SPRED3: variants seen among roughly 807,000 people sequenced by gnomAD.
The protein encoded by SPRED3 is sprouty-related, EVH1 domain-containing protein 3.
In SPRED3, 23 loss-of-function variants were observed where a neutral mutation model predicts 37.6. The ratio of observed to expected loss-of-function variants is 0.61; its 90% confidence interval spans 0.44 to 0.87. SPRED3 has a LOEUF of 0.87. Ranked by LOEUF, SPRED3 falls within the 40% of genes least tolerant of loss-of-function variation. The pLI, the probability that SPRED3 is intolerant of heterozygous loss-of-function variation, is 0.00. For synonymous variants in SPRED3, 302 were observed against 279.6 expected (o/e 1.08, Z -0.80); for missense variants, 584 against 618.6 (o/e 0.94, Z 0.59).
chr19:38,393,320 T>C (rs1014292038), intron 4 of SPRED3, among the ~76,000 whole-genome samples: 1 of 152,048 alleles, frequency 6.6e-6, no homozygotes, highest in Admixed American at 6.6e-5. Context: ...ATTTTCCTTA[T>C]TTCCTTTCTG....
At chr19:38,394,865 G>A in intron 5 of SPRED3, 79 bp downstream of exon 5, 3 of 1,431,680 alleles carry the variant, frequency 2.1e-6, no homozygotes, top group South Asian at 1.4e-5. Flanking sequence ...GCCATGGCCC[G>A]GGGAGGTGGG....
intron 4 of SPRED3, 113 bp from the exon 5 acceptor site, chr19:38,394,530 G>A: frequency 1.3e-6 from 2 of 1,562,130 alleles, no homozygotes; most frequent in South Asian, 2.3e-5. Flanking sequence ...GCCGGGGTTT[G>A]AACCCAGGCC....
rs2145166828 is a variant in SPRED3, at chr19:38,398,796, C to A, written c.*2651C>A. ...GTGCACTTAACCTTTCTTCATTACC[C>A]AGACTTGGATGGCCTTGTTGGGGTT... is the stretch of plus-strand genomic sequence containing the variant. On this transcript the variant is annotated 3_prime_UTR_variant, in exon 6 of 6. Coordinates refer to ENST00000691638, the MANE Select transcript of SPRED3 (RefSeq NM_001394336.1). The A allele has an allele frequency of 6.6e-6, 1 of 152,398 alleles. No individual in the cohort carries two copies. The highest frequency in any genetic ancestry group is 1.5e-5 in the Non-Finnish European group (1 of 68,056). The allele number at this position is 152,398 out of a possible 1,614,324, so 9.4% of individuals were successfully genotyped here.
intron 1 of SPRED3, chr19:38,389,752 C>T (rs1228597904): frequency 8.5e-6 from 1 of 117,030 alleles, no homozygotes; most frequent in Admixed American, 1.2e-4. Flanking sequence ...GCTTTGCATC[C>T]GGTCTCATTC....
In SPRED3 at chr19:38,395,219, G is replaced by C. The variant is rs1970880211; in HGVS notation, c.568-261G>C. The stretch of plus-strand genomic sequence containing the variant: ...CAGAACCCCTGGATCTCAAGGTAGA[G>C]GGGGCTGGGAGCTGGGGCTCTTGGA... On this transcript the variant is annotated intron_variant, in intron 5 of 5. Coordinates refer to ENST00000691638, the MANE Select transcript of SPRED3 (RefSeq NM_001394336.1). This position sits in a 1 kb window ranked among gnomAD's most constrained non-coding sequence, Gnocchi z 5.2. Among the ~76,000 whole-genome samples, 2 of 152,070 alleles carry C rather than the reference G, an allele frequency of 1.3e-5. No homozygotes were observed. Among genetic ancestry groups the C allele is most frequent in the African/African-American group, 2.4e-5 (1 of 41,422 alleles).
chr19:38,397,984 G>C lies in SPRED3; in HGVS notation c.*1839G>C, dbSNP rs1970918213. 1 of 152,082 alleles carries C rather than the reference G, an allele frequency of 6.6e-6. No homozygotes were observed. The highest frequency in any genetic ancestry group is 6.5e-5 in the Admixed American group (1 of 15,280). 9.4% of individuals were successfully genotyped at this position (152,082 alleles called of 1,614,324 possible). On this transcript the variant is annotated 3_prime_UTR_variant, in exon 6 of 6. Transcript: ENST00000691638. ...AGCATTGTCACAGATGATTATGCAG[G>C]GTCTTCATTAAGTGAAGGCACACAG...
Position 38,391,963 on chromosome 19 carries a change from A to C in SPRED3, c.195A>C (p.Thr65=). 1 of 1,614,128 alleles carries C rather than the reference A, an allele frequency of 6.2e-7. No homozygotes were observed. Among genetic ancestry groups the C allele is most frequent in the Non-Finnish European group, 8.5e-7 (1 of 1,180,018 alleles). The change falls in exon 3 of 6, where the codon ACA becomes ACC. Residue 65 remains threonine, a synonymous_variant. Coordinates refer to ENST00000691638, the MANE Select transcript of SPRED3 (RefSeq NM_001394336.1). ...LRDQKTTLEC[T]LKPGLVYNKV... ...CCCCTCAGACAACCTTGGAGTGTAC[A>C]CTGAAGCCAGGCTTGGTTTACAACA...
intron 2 of SPRED3, 42 bp downstream of exon 2, chr19:38,390,521 G>T (rs1970816703): frequency 1.6e-6 from 2 of 1,261,012 alleles, no homozygotes; most frequent in Non-Finnish European, 2.0e-6. Context: ...GGGACCTGGG[G>T]AGGGAGGGGA....
intron 4 of SPRED3, 107 bp downstream of exon 4, chr19:38,392,395 G>A: frequency 7.8e-7 from 1 of 1,280,528 alleles, no homozygotes; most frequent in Non-Finnish European, 1.0e-6. Context: ...CCACACACCG[G>A]GTACACAAAA....
chr19:38,392,237 C>A lies in SPRED3; in HGVS notation c.372C>A (p.Ser124=), dbSNP rs1438057025. The change falls in exon 4 of 6, where the codon TCC becomes TCA. Residue 124 remains serine (S), a synonymous_variant. Transcript: ENST00000691638. ...GCTCACTCACCCCCTCCTCCTCCTC[C>A]TCCTCCTCCTCTCCTTCCCAGGATA... ...GRGSLTPSSS[S]SSSSPSQDTA... 1 of 1,597,416 alleles carries A rather than the reference C, an allele frequency of 6.3e-7. No homozygotes were observed. The highest frequency in any genetic ancestry group is 2.2e-5 in the East Asian group (1 of 44,506).
rs536725381 is a variant in SPRED3 at position 38,391,453 on chromosome 19, G to A, written c.178-493G>A. 5.8e-4 allele frequency among the ~76,000 whole-genome samples: 88 copies of A among 152,248 alleles called. 3 individuals are homozygous for A. In the South Asian group the frequency reaches 0.018, roughly 31 times the overall value. On this transcript the variant is annotated intron_variant, in intron 2 of 5. Coordinates refer to ENST00000691638, the MANE Select transcript of SPRED3 (RefSeq NM_001394336.1). ...TCTGGGAAGTATTGTTGAGCCAGAG[G>A]GGGGATGTTGGGTTATCAGAAAGGG...
intron 1 of SPRED3, chr19:38,390,071 GAGA>G (rs1168072058): frequency 5.0e-6 from 2 of 396,440 alleles, no homozygotes; most frequent in East Asian, 7.3e-5. Context: ...GGCAGACATG[GAGA>G]AGAAGATAGA....
intron 2 of SPRED3, 61 bp downstream of exon 2, chr19:38,390,540 G>A: frequency 7.9e-7 from 1 of 1,257,932 alleles, no homozygotes; most frequent in Non-Finnish European, 1.0e-6. Flanking sequence ...GAGAGGGGCT[G>A]GCATGTGGAG....
chr19:38,392,619 T>C (rs774398868), intron 4 of SPRED3: 45 of 199,210 alleles, frequency 2.3e-4, no homozygotes, highest in Non-Finnish European at 4.2e-4. Context: ...AAAATATATA[T>C]ATAAACAATA....
rs1568398286 is a variant in SPRED3 at position 38,398,555 on chromosome 19, GA to G, written c.*2412del. The G allele has an allele frequency of 6.6e-6, 1 of 152,356 alleles. No individual in the cohort carries two copies. Among genetic ancestry groups the G allele is most frequent in the East Asian group, 1.9e-4 (1 of 5,170 alleles). The allele number at this position is 152,356 out of a possible 1,614,324, so 9.4% of individuals were successfully genotyped here. On this transcript the variant is annotated 3_prime_UTR_variant, in exon 6 of 6. Transcript: ENST00000691638. Reference sequence around the variant, plus strand: ...CTGGCTCTCTTCCACTTTAGAGTGAGAAGTTGCTTCAGGAAGTTTGAAAGCC... The same window carrying G: ...CTGGCTCTCTTCCACTTTAGAGTGAGAGTTGCTTCAGGAAGTTTGAAAGCC...
intron 5 of SPRED3, 117 bp downstream of exon 5, chr19:38,394,903 C>G: frequency 7.5e-7 from 1 of 1,335,042 alleles, no homozygotes; most frequent in South Asian, 1.5e-5. Context: ...GATGGCTGAC[C>G]TGATAACTGG....
At chr19:38,394,573 A>AG in intron 4 of SPRED3, 70 bp from the exon 5 acceptor site, 4 of 1,550,936 alleles carry the variant, frequency 2.6e-6, no homozygotes, top group Non-Finnish European at 2.6e-6. Context: ...TCTCAATGGG[A>AG]GGGGGTCTAT....
At position 38,395,799 on chromosome 19, in the gene SPRED3, G is replaced by C. The variant is rs1970889027; in HGVS notation, c.887G>C (p.Arg296Pro). 1 of 1,465,608 alleles carries C rather than the reference G, an allele frequency of 6.8e-7. No individual in the cohort carries two copies. Among genetic ancestry groups the C allele is most frequent in the Admixed American group, 2.5e-5 (1 of 40,328 alleles). The allele number at this position is 1,465,608 out of a possible 1,614,324, so 90.8% of individuals were successfully genotyped here. A position where few individuals can be genotyped will look rare whatever the true frequency, so the allele number is the denominator to read the frequency against. Residue 296 changes from arginine (R) to proline (P), a missense_variant, in exon 6 of 6, where the codon CGC (arginine) becomes CCC (proline). Arg to Pro is a moderately radical substitution (Grantham distance 103). Transcript: ENST00000691638. The surrounding 1 kb of genome is among the most constrained non-coding windows in gnomAD (Gnocchi z 5.2). ...TCCCCGGAAGCGGAGGAGGCAGCGC[G>C]CTGCGTGCATTGCCGCGCGCTCTTC... ...KASPEAEEAA[R>P]CVHCRALFRR... is the part of the protein sequence containing the mutation.
intron 2 of SPRED3, among the ~76,000 whole-genome samples, chr19:38,390,732 C>A (rs902432335): frequency 2.6e-5 from 4 of 151,104 alleles, no homozygotes; most frequent in Non-Finnish European, 4.4e-5. Flanking sequence ...CTCCTCCCCG[C>A]TCCAACCCCA....
Sources: allele counts gnomAD v4.1 joint callset (sites outside exome capture counted in the v4.1 genomes callset), GRCh38; gene constraint gnomAD v4.1.1; non-coding constraint Gnocchi (gnomAD v3.1); transcripts MANE v1.5; gene names NCBI Gene and HGNC (gene_info 2026-07-23, HGNC 2026-07-21).